Variants in RBFOX1 observed in about 807,000 individuals in gnomAD.
RBFOX1 encodes RNA binding protein fox-1 homolog 1.
RBFOX1 carries 8 observed loss-of-function variants against 57.7 expected under a neutral mutation model. That is an observed-to-expected ratio of 0.14 (90% CI 0.08 to 0.25). The LOEUF is 0.25. Ranked by LOEUF, RBFOX1 falls within the 10% of genes least tolerant of loss-of-function variation. The pLI, the probability that RBFOX1 is intolerant of heterozygous loss-of-function variation, is 1.00. For synonymous variants in RBFOX1, 326 were observed against 222.4 expected, an observed-to-expected ratio of 1.47 and a Z score of -4.15; for missense variants, 611 against 548.5, an observed-to-expected ratio of 1.11 and a Z score of -1.14.
At chr16:7,239,452 T>G (rs1056223101) in intron 4 of RBFOX1, among the ~76,000 whole-genome samples, 8 of 152,158 alleles carry the variant, frequency 5.3e-5, no homozygotes, top group African/African-American at 1.9e-4. Context: ...TGAGCCTAGA[T>G]CGTGCCACTG....
At chr16:5,933,761 G>A (rs1226063352) in intron 4 of RBFOX1, among the ~76,000 whole-genome samples, 1 of 151,028 alleles carries the variant, frequency 6.6e-6, no homozygotes, top group Non-Finnish European at 1.5e-5. Flanking sequence ...GTTTGGGAGG[G>A]CTGGTGGCCA....
At chr16:5,725,826 C>A (rs554947358) in intron 3 of RBFOX1, among the ~76,000 whole-genome samples, 1 of 151,924 alleles carries the variant, frequency 6.6e-6, no homozygotes, top group Non-Finnish European at 1.5e-5. Flanking sequence ...TGCCAGCTCT[C>A]CGAGTTCTCT....
At chr16:5,930,430 A>T (rs2059026439) in intron 4 of RBFOX1, among the ~76,000 whole-genome samples, 1 of 68,724 alleles carries the variant, frequency 1.5e-5, no homozygotes, top group Non-Finnish European at 2.8e-5. Context: ...GGATGGATGG[A>T]TGCATGGATG....
chr16:6,004,774 G>A (rs1189437609), intron 4 of RBFOX1, among the ~76,000 whole-genome samples: 1 of 152,098 alleles, frequency 6.6e-6, no homozygotes, highest in Non-Finnish European at 1.5e-5. Context: ...GGTGAACCTC[G>A]GAGTACTTTT....
chr16:7,194,886 C>A (rs1039721682), intron 4 of RBFOX1, among the ~76,000 whole-genome samples: 1 of 149,436 alleles, frequency 6.7e-6, no homozygotes, highest in Non-Finnish European at 1.5e-5. Context: ...CGAGATTGTG[C>A]CACTGCACTC....
chr16:5,595,694 C>G (rs936971784), intron 2 of RBFOX1, among the ~76,000 whole-genome samples: 1 of 152,212 alleles, frequency 6.6e-6, no homozygotes, highest in African/African-American at 2.4e-5. Context: ...GCCACTACCT[C>G]CCTCGCTGCA....
intron 3 of RBFOX1, among the ~76,000 whole-genome samples, chr16:6,853,922 C>T (rs2057319937): frequency 6.6e-6 from 1 of 152,090 alleles, no homozygotes; most frequent in South Asian, 2.1e-4. Flanking sequence ...TTAGCTCTTC[C>T]TGGGTAGTAG....
At chr16:6,499,369 C>T (rs747116880) in intron 2 of RBFOX1, among the ~76,000 whole-genome samples, 1 of 151,070 alleles carries the variant, frequency 6.6e-6, no homozygotes, top group Non-Finnish European at 1.5e-5. Flanking sequence ...CCACAAACAG[C>T]CATGTGTAAA....
At chr16:7,361,165 G>C (rs1021394334) in intron 4 of RBFOX1, among the ~76,000 whole-genome samples, 1 of 152,148 alleles carries the variant, frequency 6.6e-6, no homozygotes, top group African/African-American at 2.4e-5. Flanking sequence ...CCAAGCTTCT[G>C]CTCCTAACCT....
intron 4 of RBFOX1, among the ~76,000 whole-genome samples, chr16:7,063,304 C>G (rs1175958244): frequency 2.0e-5 from 3 of 151,952 alleles, no homozygotes; most frequent in Admixed American, 6.6e-5. Flanking sequence ...TCCCCCCAAC[C>G]CCAGGGGACC....
rs2064594250 is a variant in RBFOX1 at position 6,715,407 on chromosome 16, T to C, written c.-16+60757T>C. The stretch of plus-strand genomic sequence containing the variant: ...TTTATCTTGCTGCATTATAAATATG[T>C]GATGCCATTTAACATAGCAAGCCAT... On this transcript the variant is annotated intron_variant, in intron 3 of 15. Coordinates refer to ENST00000550418, the MANE Select transcript of RBFOX1 (RefSeq NM_018723.4). Among the ~76,000 whole-genome samples, 3 of 152,164 alleles carry C rather than the reference T, an allele frequency of 2.0e-5. No individual in the cohort carries two copies. The South Asian group carries it at 6.2e-4, about 32-fold the overall frequency.
intron 1 of RBFOX1, among the ~76,000 whole-genome samples, chr16:6,217,240 C>A (rs2097341811): frequency 7.5e-6 from 1 of 134,178 alleles, no homozygotes; most frequent in South Asian, 2.4e-4. Flanking sequence ...ATTGAATGTC[C>A]CACTTTCAGA....
chr16:5,897,767 C>G (rs1416071599), intron 4 of RBFOX1, among the ~76,000 whole-genome samples: 1 of 151,984 alleles, frequency 6.6e-6, no homozygotes, highest in Non-Finnish European at 1.5e-5. Flanking sequence ...TGATCATAGC[C>G]ACATGTAAGA....
intron 4 of RBFOX1, among the ~76,000 whole-genome samples, chr16:7,322,338 C>T (rs1206251044): frequency 6.6e-6 from 1 of 152,244 alleles, no homozygotes; most frequent in East Asian, 1.9e-4. Flanking sequence ...CCCTGCCAAG[C>T]TGTGGTGAAT....
intron 4 of RBFOX1, among the ~76,000 whole-genome samples, chr16:7,056,155 G>C (rs530646180): frequency 1.4e-4 from 21 of 152,280 alleles, no homozygotes; most frequent in African/African-American, 4.6e-4. Context: ...CACAGATGCT[G>C]TCCATGAGCT....
At chr16:7,030,904 C>G (rs894036147) in intron 3 of RBFOX1, among the ~76,000 whole-genome samples, 5 of 152,142 alleles carry the variant, frequency 3.3e-5, no homozygotes, top group East Asian at 1.9e-4. Context: ...CAATCCTTGT[C>G]ATTTGACAAA....
chr16:6,723,990 C>T (rs1015710153), intron 3 of RBFOX1: 8 of 152,034 alleles, frequency 5.3e-5, no homozygotes, highest in Non-Finnish European at 1.0e-4. Context: ...TTCACTTAAC[C>T]GTTTGGGAGA....
At chr16:6,299,874 A>C (rs2078604363) in intron 1 of RBFOX1, among the ~76,000 whole-genome samples, 1 of 152,204 alleles carries the variant, frequency 6.6e-6, no homozygotes, top group Admixed American at 6.5e-5. Flanking sequence ...TGGCTTCACT[A>C]GAAGCCCACA....
intron 4 of RBFOX1, among the ~76,000 whole-genome samples, chr16:7,154,244 C>T (rs773814804): frequency 6.6e-6 from 1 of 152,046 alleles, no homozygotes; most frequent in Non-Finnish European, 1.5e-5. Flanking sequence ...TTCATTCAGT[C>T]GGAGGAAGAC....
Sources: allele counts gnomAD v4.1 joint callset (sites outside exome capture counted in the v4.1 genomes callset), GRCh38; gene constraint gnomAD v4.1.1; transcripts MANE v1.5; gene names NCBI Gene and HGNC (gene_info 2026-07-23, HGNC 2026-07-21).